Variants in MKLN1 observed in about 807,000 individuals in gnomAD.
MKLN1 encodes muskelin.
In MKLN1, 18 loss-of-function variants were observed where a neutral mutation model predicts 99.0. The observed-to-expected ratio is 0.18, with a 90% CI of 0.13 to 0.27. MKLN1 has a LOEUF of 0.27. MKLN1 is among the 10% of genes least tolerant of loss of function. The pLI is 1.00. For synonymous variants in MKLN1, 288 were observed against 293.2 expected (o/e 0.98, Z 0.18); for missense variants, 621 against 875.9 (o/e 0.71, Z 3.67).
intron 9 of MKLN1, among the ~76,000 whole-genome samples, chr7:131,429,743 G>A (rs986207391): frequency 3.9e-5 from 6 of 151,964 alleles, no homozygotes; most frequent in Non-Finnish European, 7.4e-5. Context: ...CACGCCCAGC[G>A]AATTTTTTTT....
At chr7:131,475,504 GTTAACTTTGA>G (rs1265440819) in intron 16 of MKLN1, among the ~76,000 whole-genome samples, 1 of 152,172 alleles carries the variant, frequency 6.6e-6, no homozygotes, top group African/African-American at 2.4e-5. Flanking sequence ...TATAAGCCAG[GTTAACTTTGA>G]TATAAAATCC....
chr7:131,474,023 G>A (rs993596155), intron 16 of MKLN1, among the ~76,000 whole-genome samples: 1 of 152,030 alleles, frequency 6.6e-6, no homozygotes, highest in South Asian at 2.1e-4. Context: ...GGTGGGAGGC[G>A]CCTGTAATCC....
chr7:131,350,263 G>A (rs1401978294), intron 1 of MKLN1, among the ~76,000 whole-genome samples: 1 of 144,646 alleles, frequency 6.9e-6, no homozygotes, highest in Non-Finnish European at 1.5e-5. Flanking sequence ...GTCTCGCTAT[G>A]TTGCCCAAGC....
chr7:131,139,540 A>C (rs934876191), intron 1 of MKLN1, among the ~76,000 whole-genome samples: 1 of 152,204 alleles, frequency 6.6e-6, no homozygotes, highest in Non-Finnish European at 1.5e-5. Context: ...CTGCAGAGCC[A>C]GCTGTTTGTT....
chr7:131,250,255 T>C (rs1156294473), intron 3 of MKLN1, among the ~76,000 whole-genome samples: 4 of 151,850 alleles, frequency 2.6e-5, no homozygotes, highest in African/African-American at 9.7e-5. Flanking sequence ...TGGAAGGAGA[T>C]GATGAGTGCA....
chr7:131,122,812 G>A (rs2116201175), intron 1 of MKLN1, among the ~76,000 whole-genome samples: 1 of 152,080 alleles, frequency 6.6e-6, no homozygotes, highest in Non-Finnish European at 1.5e-5. Context: ...ACGAGGTCGG[G>A]AGATGGAGAC....
intron 2 of MKLN1, among the ~76,000 whole-genome samples, chr7:131,197,376 ATTT>A (rs1265380029): frequency 8.1e-6 from 1 of 123,166 alleles, no homozygotes; most frequent in African/African-American, 3.1e-5. Context: ...GTTAATTAAA[ATTT>A]TATTATTATT....
chr7:131,343,373 G>A (rs558047165), intron 1 of MKLN1, among the ~76,000 whole-genome samples: 60 of 152,282 alleles, frequency 3.9e-4, no homozygotes, highest in Middle Eastern at 6.8e-3. Context: ...TGTATATGAA[G>A]TGGTGTTCTT....
intron 1 of MKLN1, among the ~76,000 whole-genome samples, chr7:131,353,072 A>G (rs1293395870): frequency 6.6e-6 from 1 of 152,178 alleles, no homozygotes; most frequent in Non-Finnish European, 1.5e-5. Context: ...TGAAGCTACT[A>G]TAAACATTGG....
rs1797340019 is a variant in MKLN1, at chr7:131,488,269, A to G, written c.*541A>G. 1 of 152,078 alleles carries G rather than the reference A, an allele frequency of 6.6e-6. No individual in the cohort carries two copies. Among genetic ancestry groups the G allele is most frequent in the Non-Finnish European group, 1.5e-5 (1 of 68,022 alleles). 9.4% of individuals were successfully genotyped at this position (152,078 alleles called of 1,614,324 possible). On this transcript the variant is annotated 3_prime_UTR_variant, in exon 18 of 18. Coordinates refer to ENST00000352689, the MANE Select transcript of MKLN1 (RefSeq NM_013255.5). ...TATAGTTCTCTAGGACAGTTGATGT[A>G]TGTTAAGGTGATATCTGTGTCTGTA...
intron 2 of MKLN1, among the ~76,000 whole-genome samples, chr7:131,194,313 A>C (rs1237844315): frequency 6.6e-6 from 1 of 152,172 alleles, no homozygotes; most frequent in Non-Finnish European, 1.5e-5. Context: ...CCTGGCAACC[A>C]CCAATCTACT....
chr7:131,315,525 C>T (rs780792971), intron 3 of MKLN1, among the ~76,000 whole-genome samples: 8 of 152,160 alleles, frequency 5.3e-5, no homozygotes, highest in Non-Finnish European at 8.8e-5. Flanking sequence ...ACCCCAGTGG[C>T]GCCTGGAACC....
At chr7:131,398,834 T>C (rs1020990532) in intron 5 of MKLN1, among the ~76,000 whole-genome samples, 1 of 152,246 alleles carries the variant, frequency 6.6e-6, no homozygotes, top group South Asian at 2.1e-4. Context: ...AAAAATAGCA[T>C]AATATAATTT....
At chr7:131,299,023 A>C (rs1798337105) in intron 3 of MKLN1, among the ~76,000 whole-genome samples, 1 of 152,218 alleles carries the variant, frequency 6.6e-6, no homozygotes, top group South Asian at 2.1e-4. Context: ...TATTGTTTAT[A>C]AAATTAAAAC....
intron 2 of MKLN1, among the ~76,000 whole-genome samples, chr7:131,181,089 A>G (rs545950995): frequency 1.2e-4 from 19 of 152,268 alleles, no homozygotes; most frequent in Middle Eastern, 3.4e-3. Flanking sequence ...TCCCCTTCCC[A>G]TCACCATTAT....
chr7:131,330,174 G>T (rs1799029151), intron 1 of MKLN1, among the ~76,000 whole-genome samples: 1 of 152,098 alleles, frequency 6.6e-6, no homozygotes, highest in South Asian at 2.1e-4. Flanking sequence ...GTAGGAAAGG[G>T]GTTGACTTTA....
chr7:131,456,967 G>A (rs1310157694), intron 12 of MKLN1, among the ~76,000 whole-genome samples: 1 of 152,054 alleles, frequency 6.6e-6, no homozygotes, highest in Non-Finnish European at 1.5e-5. Context: ...TATACATGAT[G>A]TAAAGCAGAA....
At chr7:131,262,709 C>T (rs1797750678) in intron 3 of MKLN1, among the ~76,000 whole-genome samples, 1 of 151,944 alleles carries the variant, frequency 6.6e-6, no homozygotes, top group Non-Finnish European at 1.5e-5. Flanking sequence ...CACCACCACA[C>T]CTAGCTAATT....
At position 131,195,672 on chromosome 7, in the gene MKLN1, G is replaced by T. The variant is rs543992466; in HGVS notation, c.-296-7185G>T. On this transcript the variant is annotated intron_variant, in intron 2 of 7. Coordinates refer to the MKLN1 transcript ENST00000416992. ...TGGGAGACTGTTAATAGTAGTTTCG[G>T]CTGGGCCCGGTGGCTCACGCCTGGA... Among the ~76,000 whole-genome samples the T allele has an allele frequency of 1.3e-3, 195 of 152,136 alleles. 1 individual carries two copies. Among genetic ancestry groups the T allele is most frequent in the African/African-American group, 4.5e-3 (187 of 41,500 alleles).
Sources: allele counts gnomAD v4.1 joint callset (sites outside exome capture counted in the v4.1 genomes callset), GRCh38; gene constraint gnomAD v4.1.1; transcripts MANE v1.5; gene names NCBI Gene and HGNC (gene_info 2026-07-23, HGNC 2026-07-21).